The following FHAD1 variants were observed in gnomAD, a reference collection of about 807,000 sequenced individuals.
FHAD1 encodes forkhead associated phosphopeptide binding domain 1, also known as forkhead-associated domain-containing protein 1.
In FHAD1, 146 loss-of-function variants were observed where a neutral mutation model predicts 191.3. That is an observed-to-expected ratio of 0.76 (90% CI 0.67 to 0.88). FHAD1 has a LOEUF of 0.88. Among genes scored for constraint, FHAD1 ranks in the 40% least tolerant of loss-of-function variants. The probability of loss-of-function intolerance (pLI) is 0.00; values close to 1 mark genes in which losing one functional copy is unlikely to be tolerated. For missense variants in FHAD1, 1,635 were observed against 1,785.8 expected (o/e 0.92, Z 1.52); for synonymous variants, 616 against 672.3 (o/e 0.92, Z 1.29).
intron 22 of FHAD1, among the ~76,000 whole-genome samples, chr1:15,361,870 T>C (rs1052644363): frequency 8.6e-5 from 13 of 151,858 alleles, no homozygotes; most frequent in African/African-American, 2.4e-4. Flanking sequence ...CCGGGCCTGG[T>C]GGCGCGCGCC....
rs142332492 is a variant in FHAD1 at position 15,366,013 on chromosome 1, C to T, written c.3154+80C>T. Reference sequence around the variant, plus strand: ...AGATGAGGCTAAAGAGTCGGCCGGGCGCAGTGGCGCACGCCTATAATCCCA... The same window carrying T: ...AGATGAGGCTAAAGAGTCGGCCGGGTGCAGTGGCGCACGCCTATAATCCCA... On this transcript the variant is annotated intron_variant, in intron 24 of 33. Coordinates refer to ENST00000688493, the MANE Select transcript of FHAD1 (RefSeq NM_001391957.1). 655 of 984,496 alleles carry T rather than the reference C, an allele frequency of 6.7e-4. 4 individuals are homozygous for T. The African/African-American group carries it at 8.3e-3, about 13-fold the overall frequency. 61.0% of individuals were successfully genotyped at this position (984,496 alleles called of 1,614,324 possible). A position where few individuals can be genotyped will look rare whatever the true frequency, so the allele number is the denominator to read the frequency against.
chr1:15,277,107 G>A (rs1658666515), intron 3 of FHAD1, among the ~76,000 whole-genome samples: 1 of 152,166 alleles, frequency 6.6e-6, no homozygotes, highest in East Asian at 1.9e-4. Flanking sequence ...GTGAACACTA[G>A]TGCTGTTCTT....
At chr1:15,301,131 C>T (rs1346336389) in intron 5 of FHAD1, 74 bp from the exon 6 acceptor site, 15 of 1,364,852 alleles carry the variant, frequency 1.1e-5, no homozygotes, top group Non-Finnish European at 1.5e-5. Context: ...CACCCGGCCC[C>T]TACTTTTTTT....
chr1:15,392,120 A>T (rs1373075265), intron 33 of FHAD1, among the ~76,000 whole-genome samples: 1 of 152,230 alleles, frequency 6.6e-6, no homozygotes, highest in Non-Finnish European at 1.5e-5. Context: ...TGCTTCGCCT[A>T]AGAACAGAGT....
Position 15,393,798 on chromosome 1 carries a change from A to G in FHAD1, c.4323+2535A>G, listed in dbSNP as rs142698845. On this transcript the variant is annotated intron_variant, in intron 33 of 33. Coordinates refer to ENST00000688493, the MANE Select transcript of FHAD1 (RefSeq NM_001391957.1). Reference sequence around the variant, plus strand: ...TTTTTTTTTTAAGTAAATACACATAATGATTAAATAATAACTTTGAGCCCA... The same window carrying G: ...TTTTTTTTTTAAGTAAATACACATAGTGATTAAATAATAACTTTGAGCCCA... 3.6e-3 allele frequency among the ~76,000 whole-genome samples: 549 copies of G among 151,766 alleles called. 4 individuals are homozygous for G. The highest frequency in any genetic ancestry group is 0.012 in the African/African-American group (512 of 41,350).
intron 19 of FHAD1, among the ~76,000 whole-genome samples, chr1:15,351,945 C>A (rs939626949): frequency 1.3e-5 from 2 of 152,110 alleles, no homozygotes; most frequent in Admixed American, 6.5e-5. Context: ...ACACACACCT[C>A]GAGTCTCATA....
At chr1:15,360,427 G>A in intron 21 of FHAD1, 51 bp from the exon 22 acceptor site, 2 of 1,491,894 alleles carry the variant, frequency 1.3e-6, no homozygotes, top group Non-Finnish European at 1.8e-6. Context: ...TATTATTGTT[G>A]CCGTCATACA....
intron 4 of FHAD1, among the ~76,000 whole-genome samples, chr1:15,290,625 C>T (rs747939833): frequency 6.6e-6 from 1 of 152,126 alleles, no homozygotes; most frequent in Non-Finnish European, 1.5e-5. Flanking sequence ...TCATCAAATG[C>T]ACCACCACAT....
At chr1:15,391,287 G>C (rs374777858) in intron 33 of FHAD1, 24 bp downstream of exon 33, 3 of 1,273,940 alleles carry the variant, frequency 2.4e-6, no homozygotes, top group East Asian at 5.6e-5. Context: ...GCATCCTTTA[G>C]AATTCTCTTT....
chr1:15,372,504 A>C (rs1397324643), intron 26 of FHAD1, among the ~76,000 whole-genome samples: 1 of 151,910 alleles, frequency 6.6e-6, no homozygotes, highest in Non-Finnish European at 1.5e-5. Flanking sequence ...TGTCTGCCCC[A>C]TAGAAAATGC....
At chr1:15,400,483 G>T (rs1014380947), downstream of FHAD1, among the ~76,000 whole-genome samples, 1 of 151,968 alleles carries the variant, frequency 6.6e-6, no homozygotes, top group South Asian at 2.1e-4. Context: ...GGCCTTGGCA[G>T]GCAAGTTGGG....
At chr1:15,261,736 A>G (rs1454093432) in intron 2 of FHAD1, among the ~76,000 whole-genome samples, 1 of 152,052 alleles carries the variant, frequency 6.6e-6, no homozygotes, top group East Asian at 1.9e-4. Context: ...TCATATCCCT[A>G]TTCCTTTGAA....
chr1:15,298,212 A>G (rs979324454), intron 5 of FHAD1, among the ~76,000 whole-genome samples: 2 of 152,242 alleles, frequency 1.3e-5, no homozygotes, highest in South Asian at 4.1e-4. Flanking sequence ...AAAGGAATGA[A>G]TTTACAGCAT....
rs181049916 is a variant in FHAD1, at chr1:15,239,308, C to T, written c.-15+2547C>T. 3.5e-4 allele frequency among the ~76,000 whole-genome samples: 53 copies of T among 152,184 alleles called. No individual in the cohort carries two copies. In the East Asian group the frequency reaches 5.8e-3, roughly 17 times the overall value. On this transcript the variant is annotated intron_variant, in intron 1 of 33. Transcript: ENST00000683790. ...CTTGGGTGAACAAGAAAAGGATGGC[C>T]GGGTGCACTGGGCCATGCCTGTAAT...
intron 22 of FHAD1, among the ~76,000 whole-genome samples, chr1:15,362,407 C>A (rs1695097466): frequency 6.6e-6 from 1 of 152,214 alleles, no homozygotes; most frequent in African/African-American, 2.4e-5. Flanking sequence ...TGCCCCTTTC[C>A]CTGTCTGTAA....
chr1:15,263,786 G>T (rs937392032), intron 2 of FHAD1, among the ~76,000 whole-genome samples: 5 of 152,200 alleles, frequency 3.3e-5, no homozygotes, highest in African/African-American at 1.2e-4. Flanking sequence ...CTCCCAAAGT[G>T]CTGGGATTAC....
At chr1:15,374,847 C>CGTTTTTG (rs1558266153) in intron 27 of FHAD1, among the ~76,000 whole-genome samples, 4 of 123,398 alleles carry the variant, frequency 3.2e-5, no homozygotes, top group African/African-American at 1.9e-4. Context: ...CACTATTGTA[C>CGTTTTTG]GTTTTTTTTT....
At chr1:15,390,127 CT>C (rs1364348960) in intron 32 of FHAD1, among the ~76,000 whole-genome samples, 1 of 152,070 alleles carries the variant, frequency 6.6e-6, no homozygotes, top group Admixed American at 6.6e-5. Context: ...AGGCTGATCA[CT>C]TGAGGTCAGG....
intron 2 of FHAD1, among the ~76,000 whole-genome samples, chr1:15,270,638 G>C (rs1285281225): frequency 6.6e-6 from 1 of 152,142 alleles, no homozygotes. Flanking sequence ...TTGTCTACAT[G>C]CAAGTACTTT....
Sources: allele counts gnomAD v4.1 joint callset (sites outside exome capture counted in the v4.1 genomes callset), GRCh38; gene constraint gnomAD v4.1.1; transcripts MANE v1.5; gene names NCBI Gene and HGNC (gene_info 2026-07-23, HGNC 2026-07-21).